The following RNF133 variants were observed in gnomAD, a reference collection of about 807,000 sequenced individuals.
The protein encoded by RNF133 is E3 ubiquitin-protein ligase RNF133.
For missense variants in RNF133, 469 were observed against 450.5 expected (o/e 1.04, Z -0.37); for synonymous variants, 153 against 152.1 (o/e 1.01, Z -0.04).
rs1173895802 is a variant in RNF133, at chr7:122,697,812, C to T, written c.1107G>A (p.Val369=). 5.0e-6 allele frequency: 8 copies of T among 1,590,212 alleles called. No individual in the cohort carries two copies. The highest frequency in any genetic ancestry group is 1.4e-5 in the African/African-American group (1 of 73,974). Residue 369 remains valine (V), a synonymous_variant, in exon 1 of 1, where the codon GTG becomes GTA. Coordinates refer to ENST00000340112, the MANE Select transcript of RNF133 (RefSeq NM_139175.2). Reference sequence around the variant, plus strand: ...ATCAAGGTGAAGGATGAACATCTTCCACTACTGAATGAGGCTGGATGTCAT... The same window carrying T: ...ATCAAGGTGAAGGATGAACATCTTCTACTACTGAATGAGGCTGGATGTCAT... ...QNNDIQPHSV[V]EDVHPSP
chr7:122,698,616 C>A lies in RNF133; in HGVS notation c.303G>T (p.Trp101Cys). ...AACCTCCCCGTTCAATAAGTGCAAG[C>A]CAGGTCTCTGAGTACTTTGATCGGC... is the stretch of plus-strand genomic sequence containing the variant. Reference protein sequence around the residue: ...IFSRSKYSETWLALIERGGCT... With the variant: ...IFSRSKYSETCLALIERGGCT... The change falls in exon 1 of 1, where the codon TGG becomes TGT. Residue 101 changes from tryptophan (W) to cysteine (C), a missense_variant. Trp to Cys is a radical substitution (Grantham distance 215). Coordinates refer to ENST00000340112, the MANE Select transcript of RNF133 (RefSeq NM_139175.2). The A allele has an allele frequency of 6.2e-7, 1 of 1,614,042 alleles. No homozygotes were observed.
At position 122,697,859 on chromosome 7, in the gene RNF133, C is replaced by A; in HGVS notation, c.1060G>T (p.Glu354Ter). The A allele has an allele frequency of 6.2e-7, 1 of 1,613,142 alleles. No individual in the cohort carries two copies. The highest frequency in any genetic ancestry group is 1.1e-5 in the South Asian group (1 of 90,972). ...GTSDKVIHVEENPTSQNNDIQ... is the reference protein window; with the variant it reads ...GTSDKVIHVE Reference sequence around the variant, plus strand: ...TCATTATTCTGAGAAGTAGGGTTCTCCTCCACATGGATTACTTTATCTGAG... The same window carrying A: ...TCATTATTCTGAGAAGTAGGGTTCTACTCCACATGGATTACTTTATCTGAG... Residue 354 changes from glutamate to a stop codon, truncating the protein, a stop_gained, in exon 1 of 1, where the codon GAG (glutamate) becomes TAG (stop). Coordinates refer to ENST00000340112, the MANE Select transcript of RNF133 (RefSeq NM_139175.2). LOFTEE classifies it low-confidence loss of function (END_TRUNC).
In RNF133 at chr7:122,698,499, G is replaced by A; in HGVS notation, c.420C>T (p.Phe140=). 1.2e-6 allele frequency: 2 copies of A among 1,613,874 alleles called. No individual in the cohort carries two copies. The highest frequency in any genetic ancestry group is 1.1e-5 in the South Asian group (1 of 91,074). The stretch of plus-strand genomic sequence containing the variant: ...CTTCAAATGCCTGATGAAACATGGG[G>A]AACACCTGGTTGCCAGTACCTGGAA... ...YNVPGTGNQV[F]PMFHQAFEDV... The change falls in exon 1 of 1, where the codon TTC becomes TTT. Residue 140 remains phenylalanine (F), a synonymous_variant. Coordinates refer to ENST00000340112, the MANE Select transcript of RNF133 (RefSeq NM_139175.2).
chr7:122,698,477 C>A lies in RNF133; in HGVS notation c.442G>T (p.Glu148Ter). The part of the protein sequence containing the change: ...QVFPMFHQAF[E>*]DVVVVMIGNL... Reference sequence around the variant, plus strand: ...CCAATCATAACCACAACGACATCTTCAAATGCCTGATGAAACATGGGGAAC... The same window carrying A: ...CCAATCATAACCACAACGACATCTTAAAATGCCTGATGAAACATGGGGAAC... Residue 148 changes from glutamate to a stop codon, truncating the protein, a stop_gained, in exon 1 of 1, where the codon GAA (glutamate) becomes TAA (stop). Transcript: ENST00000340112. LOFTEE classifies it low-confidence loss of function (END_TRUNC). 1 of 1,613,922 alleles carries A rather than the reference C, an allele frequency of 6.2e-7. No individual in the cohort carries two copies. The highest frequency in any genetic ancestry group is 8.5e-7 in the Non-Finnish European group (1 of 1,179,872).
Position 122,697,757 on chromosome 7 carries a change from G to A in RNF133, c.*31C>T, listed in dbSNP as rs1395047476. The A allele has an allele frequency of 2.0e-6, 3 of 1,522,934 alleles. No individual in the cohort carries two copies. Among genetic ancestry groups the A allele is most frequent in the African/African-American group, 2.8e-5 (2 of 72,126 alleles). 94.3% of individuals were successfully genotyped at this position (1,522,934 alleles called of 1,614,324 possible). A position where few individuals can be genotyped will look rare whatever the true frequency, so the allele number is the denominator to read the frequency against. On this transcript the variant is annotated 3_prime_UTR_variant, in exon 1 of 1. Coordinates refer to ENST00000340112, the MANE Select transcript of RNF133 (RefSeq NM_139175.2). The stretch of plus-strand genomic sequence containing the variant: ...GTATTAGGACCTGATTTCACATACA[G>A]GTTTAATACACTTCCTCAAAAGTCA...
In RNF133 at chr7:122,698,956, A is replaced by C. The variant is rs1251394654; in HGVS notation, c.-38T>G. The stretch of plus-strand genomic sequence containing the variant: ...CGAGTGACTTAAGAACCAACCTAAC[A>C]GTTGCACATCTGTTGACAATTAATT... On this transcript the variant is annotated 5_prime_UTR_variant, in exon 1 of 1. Coordinates refer to ENST00000340112, the MANE Select transcript of RNF133 (RefSeq NM_139175.2). 5 of 1,407,618 alleles carry C rather than the reference A, an allele frequency of 3.6e-6. No homozygotes were observed. In the Admixed American group the frequency reaches 9.4e-5, roughly 26 times the overall value. The allele number at this position is 1,407,618 out of a possible 1,614,324, so 87.2% of individuals were successfully genotyped here. A position where few individuals can be genotyped will look rare whatever the true frequency, so the allele number is the denominator to read the frequency against.
Position 122,698,666 on chromosome 7 carries a change from C to T in RNF133, c.253G>A (p.Ala85Thr). The T allele has an allele frequency of 1.2e-6, 2 of 1,613,984 alleles. No individual in the cohort carries two copies. Among genetic ancestry groups the T allele is most frequent in the Non-Finnish European group, 8.5e-7 (1 of 1,179,924 alleles). The part of the protein sequence containing the change: ...IVPPEGKIQN[A>T]CNPNTIFSRS... The stretch of plus-strand genomic sequence containing the variant: ...CTGAAAATGGTATTGGGATTACATG[C>T]ATTTTGGATTTTTCCCTCTGGTGGC... The change falls in exon 1 of 1, where the codon GCA (alanine) becomes ACA (threonine). Residue 85 changes from alanine to threonine, a missense_variant. Coordinates refer to ENST00000340112, the MANE Select transcript of RNF133 (RefSeq NM_139175.2).
Position 122,698,595 on chromosome 7 carries a change from T to G in RNF133, c.324A>C (p.Gly108=). The change falls in exon 1 of 1, where the codon GGA becomes GGC. Residue 108 remains glycine (G), a synonymous_variant. Coordinates refer to ENST00000340112, the MANE Select transcript of RNF133 (RefSeq NM_139175.2). ...SETWLALIER[G]GCTFTQKIKV... The stretch of plus-strand genomic sequence containing the variant: ...TAATTTTCTGTGTGAAGGTACAACC[T>G]CCCCGTTCAATAAGTGCAAGCCAGG... 1 of 1,613,972 alleles carries G rather than the reference T, an allele frequency of 6.2e-7. No homozygotes were observed. The highest frequency in any genetic ancestry group is 1.1e-5 in the South Asian group (1 of 91,080).
chr7:122,698,571 A>C lies in RNF133; in HGVS notation c.348T>G (p.Ile116Met). The C allele has an allele frequency of 6.2e-7, 1 of 1,614,028 alleles. No individual in the cohort carries two copies. Among genetic ancestry groups the C allele is most frequent in the Non-Finnish European group, 8.5e-7 (1 of 1,179,926 alleles). Residue 116 changes from isoleucine (I) to methionine (M), a missense_variant, in exon 1 of 1, where the codon ATT becomes ATG. By Grantham distance (10) the Ile-to-Met change is conservative. Coordinates refer to ENST00000340112, the MANE Select transcript of RNF133 (RefSeq NM_139175.2). ...ERGGCTFTQK[I>M]KVATEKGASG... is the part of the protein sequence containing the mutation. The stretch of plus-strand genomic sequence containing the variant: ...TGGCTCCCTTCTCAGTTGCCACTTT[A>C]ATTTTCTGTGTGAAGGTACAACCTC...
In RNF133 at chr7:122,697,931, A is replaced by G; in HGVS notation, c.988T>C (p.Ser330Pro). 8 of 1,613,998 alleles carry G rather than the reference A, an allele frequency of 5.0e-6. No homozygotes were observed. Among genetic ancestry groups the G allele is most frequent in the Non-Finnish European group, 5.9e-6 (7 of 1,179,906 alleles). Residue 330 changes from serine (S) to proline (P), a missense_variant, in exon 1 of 1, where the codon TCA (serine) becomes CCA (proline). Physicochemically the swap from Ser to Pro is moderately conservative, Grantham distance 74. Coordinates refer to ENST00000340112, the MANE Select transcript of RNF133 (RefSeq NM_139175.2). ...TTATTTGTCTCCTCTTCACTAGGTG[A>G]TAAGGTTTCAGGCAGTTCATTTGAC... ...LMSNELPETL[S>P]PSEEETNNEV...
Position 122,698,443 on chromosome 7 carries a change from T to G in RNF133, c.476A>C (p.Lys159Thr). ...AATTAAATGGAAAATTTCCGTGCCT[T>G]TTAAGTTACCAATCATAACCACAAC... ...DVVVVMIGNL[K>T]GTEIFHLIKK... The change falls in exon 1 of 1, where the codon AAA becomes ACA. Residue 159 changes from lysine to threonine, a missense_variant. Lys to Thr is a moderately conservative substitution (Grantham distance 78, BLOSUM62 -1). Transcript: ENST00000340112. The G allele has an allele frequency of 6.2e-7, 1 of 1,614,000 alleles. No individual in the cohort carries two copies. The highest frequency in any genetic ancestry group is 1.3e-5 in the African/African-American group (1 of 75,010).
chr7:122,698,695 AT>A lies in RNF133; in HGVS notation c.223del (p.Ile75Ter). 6.2e-7 allele frequency: 1 copy of A among 1,613,892 alleles called. No homozygotes were observed. The highest frequency in any genetic ancestry group is 8.5e-7 in the Non-Finnish European group (1 of 1,179,884). On this transcript the variant is annotated frameshift_variant, in exon 1 of 1. Coordinates refer to ENST00000340112, the MANE Select transcript of RNF133 (RefSeq NM_139175.2). LOFTEE classifies it low-confidence loss of function (END_TRUNC). ...TTGGATTTTTCCCTCTGGTGGCACT[AT>A]AACTCCTGCCACTCTCTTCAAAGTG... The part of the protein sequence containing the change: ...SSTLKRVAGV[I>X]VPPEGKIQNA...
In RNF133 at chr7:122,698,370, G is replaced by T; in HGVS notation, c.549C>A (p.His183Gln). Residue 183 changes from histidine to glutamine, a missense_variant, in exon 1 of 1, where the codon CAC (histidine) becomes CAA (glutamine). Coordinates refer to ENST00000340112, the MANE Select transcript of RNF133 (RefSeq NM_139175.2). ...CCAAATAGTGATTCATCCAGATGAT[G>T]TGCTTTCTCCCCACCTCAACCACGG... ...ITAVVEVGRK[H>Q]IIWMNHYLVS... 6.2e-7 allele frequency: 1 copy of T among 1,613,718 alleles called. No homozygotes were observed. The highest frequency in any genetic ancestry group is 8.5e-7 in the Non-Finnish European group (1 of 1,179,614).
At position 122,699,039 on chromosome 7, in the gene RNF133, C is replaced by G; in HGVS notation, c.-121G>C. ...ACAAACAAGATCCACTGTCTTCCAG[C>G]ATGTTTTTGTAAGAAATTCTTAAAG... On this transcript the variant is annotated 5_prime_UTR_variant, in exon 1 of 1. The change abolishes an upstream ATG in the 5' untranslated region. Transcript: ENST00000340112. 1.5e-6 allele frequency: 1 copy of G among 685,440 alleles called. No individual in the cohort carries two copies. The highest frequency in any genetic ancestry group is 2.8e-5 in the East Asian group (1 of 35,586). The allele number at this position is 685,440 out of a possible 1,614,324, so 42.5% of individuals were successfully genotyped here. A position where few individuals can be genotyped will look rare whatever the true frequency, so the allele number is the denominator to read the frequency against.
rs2136190292 is a variant in RNF133, at chr7:122,698,093, G to A, written c.826C>T (p.His276Tyr). The A allele has an allele frequency of 1.9e-6, 3 of 1,613,986 alleles. No individual in the cohort carries two copies. Among genetic ancestry groups the A allele is most frequent in the East Asian group, 2.2e-5 (1 of 44,874 alleles). Residue 276 changes from histidine (H) to tyrosine (Y), a missense_variant, in exon 1 of 1, where the codon CAT (histidine) becomes TAT (tyrosine). Coordinates refer to ENST00000340112, the MANE Select transcript of RNF133 (RefSeq NM_139175.2). ...NDIVRILTCKHFFHKNCIDPW... is the reference protein window; with the variant it reads ...NDIVRILTCKYFFHKNCIDPW... Reference sequence around the variant, plus strand: ...TCAATGCAATTCTTGTGGAAAAAATGTTTACAAGTCAGAATACGAACTATG... The same window carrying A: ...TCAATGCAATTCTTGTGGAAAAAATATTTACAAGTCAGAATACGAACTATG...
Position 122,698,802 on chromosome 7 carries a change from C to T in RNF133, c.117G>A (p.Met39Ile). 2.5e-6 allele frequency: 4 copies of T among 1,613,886 alleles called. No homozygotes were observed. The highest frequency in any genetic ancestry group is 3.4e-6 in the Non-Finnish European group (4 of 1,179,840). ...QNCCRASVVWMAYMNISFHVG... is the reference protein window; with the variant it reads ...QNCCRASVVWIAYMNISFHVG... ...CATGAAATGATATGTTCATATAAGC[C>T]ATCCAAACAACACTTGCTCTGCAAC... is the stretch of plus-strand genomic sequence containing the variant. The change falls in exon 1 of 1, where the codon ATG (methionine) becomes ATA (isoleucine). Residue 39 changes from methionine (M) to isoleucine (I), a missense_variant. Transcript: ENST00000340112.
In RNF133 at chr7:122,698,587, G is replaced by A; in HGVS notation, c.332C>T (p.Thr111Ile). The A allele has an allele frequency of 1.9e-6, 3 of 1,614,000 alleles. No homozygotes were observed. Among genetic ancestry groups the A allele is most frequent in the Non-Finnish European group, 2.5e-6 (3 of 1,179,920 alleles). ...TGCCACTTTAATTTTCTGTGTGAAG[G>A]TACAACCTCCCCGTTCAATAAGTGC... ...WLALIERGGC[T>I]FTQKIKVATE... Residue 111 changes from threonine to isoleucine, a missense_variant, in exon 1 of 1, where the codon ACC becomes ATC. Thr to Ile is a moderately conservative substitution (Grantham distance 89, BLOSUM62 -1). Transcript: ENST00000340112.
In RNF133 at chr7:122,698,450, T is replaced by C; in HGVS notation, c.469A>G (p.Asn157Asp). Residue 157 changes from asparagine (N) to aspartate (D), a missense_variant, in exon 1 of 1, where the codon AAC (asparagine) becomes GAC (aspartate). By Grantham distance (23) the Asn-to-Asp change is conservative. Transcript: ENST00000340112. ...FEDVVVVMIG[N>D]LKGTEIFHLI... ...TGGAAAATTTCCGTGCCTTTTAAGT[T>C]ACCAATCATAACCACAACGACATCT... The C allele has an allele frequency of 6.2e-7, 1 of 1,613,988 alleles. No homozygotes were observed. The highest frequency in any genetic ancestry group is 8.5e-7 in the Non-Finnish European group (1 of 1,179,896).
Position 122,697,901 on chromosome 7 carries a change from CTTCA to C in RNF133, c.1014_1017del (p.Asn338LysfsTer11). On this transcript the variant is annotated frameshift_variant, in exon 1 of 1. Coordinates refer to ENST00000340112, the MANE Select transcript of RNF133 (RefSeq NM_139175.2). LOFTEE classifies it low-confidence loss of function (END_TRUNC). Reference sequence around the variant, plus strand: ...TTATCTGAGGTTCCTGCAGGAGAAACTTCATTATTTGTCTCCTCTTCACTAGGTG... The same window carrying C: ...TTATCTGAGGTTCCTGCAGGAGAAACTTATTTGTCTCCTCTTCACTAGGTG... 7 of 1,613,794 alleles carry C rather than the reference CTTCA, an allele frequency of 4.3e-6. No homozygotes were observed. Among genetic ancestry groups the C allele is most frequent in the Non-Finnish European group, 5.9e-6 (7 of 1,179,756 alleles).
Sources: gnomAD v4.1 joint callset for allele counts on GRCh38, gnomAD v4.1.1 for gene constraint, MANE v1.5 for transcripts, NCBI Gene and HGNC (gene_info 2026-07-23, HGNC 2026-07-21) for gene names.